The following KLRG1 variants were observed in gnomAD, a reference collection of about 807,000 sequenced individuals.
The protein encoded by KLRG1 is killer cell lectin-like receptor subfamily G member 1.
A neutral mutation model predicts 21.8 loss-of-function variants in KLRG1; 16 were observed. The observed-to-expected ratio is 0.73, with a 90% CI of 0.50 to 1.11. The LOEUF (loss-of-function observed/expected upper bound fraction) is 1.11, where lower values mean the gene tolerates loss of function less well. Among genes scored for constraint, KLRG1 ranks in the 50% most tolerant of loss-of-function variants. The pLI, the probability that KLRG1 is intolerant of heterozygous loss-of-function variation, is 0.00. For missense variants in KLRG1, 173 were observed against 218.3 expected (o/e 0.79, Z 1.31); for synonymous variants, 69 against 75.9 (o/e 0.91, Z 0.47).
chr12:9,101,450 A>G, the KLRG1 span: 1 of 1,611,240 alleles, frequency 6.2e-7, no homozygotes, highest in Non-Finnish European at 8.5e-7. Flanking sequence ...TTCTCACCAG[A>G]TAATAGAAGG....
At chr12:9,165,471 T>A in the KLRG1 span, 2 of 1,285,710 alleles carry the variant, frequency 1.6e-6, no homozygotes, top group Non-Finnish European at 2.2e-6. Context: ...TGAATCCACT[T>A]AAGGGTATAT....
At chr12:9,128,161 C>A in the KLRG1 span, 2 of 196,206 alleles carry the variant, frequency 1.0e-5, no homozygotes, top group East Asian at 1.3e-4. Context: ...ACGAGGAAAT[C>A]AGTGCTGCGG....
At chr12:8,969,103 TGTGGCTCCA>T (rs1946526131) in intron 1 of KLRG1, among the ~76,000 whole-genome samples, 1 of 152,168 alleles carries the variant, frequency 6.6e-6, no homozygotes, top group African/African-American at 2.4e-5. Context: ...GGGGCTAAGA[TGTGGCTCCA>T]GTGGTTGAGG....
the KLRG1 span, chr12:9,089,182 A>T: frequency 9.0e-6 from 14 of 1,551,422 alleles, no homozygotes; most frequent in African/African-American, 1.4e-4. Flanking sequence ...TTTTTAAATT[A>T]TGATGGTTGA....
the KLRG1 span, chr12:9,079,715 A>G: frequency 3.1e-6 from 5 of 1,613,648 alleles, no homozygotes; most frequent in Non-Finnish European, 4.2e-6. Flanking sequence ...AATCCAGTAC[A>G]TAGATGTTAG....
At position 9,010,108 on chromosome 12, in the gene KLRG1, C is replaced by T. The variant is rs887846937; in HGVS notation, c.*571C>T. 1.7e-6 allele frequency: 2 copies of T among 1,175,154 alleles called. No homozygotes were observed. The highest frequency in any genetic ancestry group is 5.1e-5 in the East Asian group (2 of 38,960). 72.8% of individuals were successfully genotyped at this position (1,175,154 alleles called of 1,614,324 possible). On this transcript the variant is annotated 3_prime_UTR_variant, in exon 5 of 5. Coordinates refer to ENST00000356986, the MANE Select transcript of KLRG1 (RefSeq NM_005810.4). ...AGCTGAGGTGGGAGGGTCGCTTGAG[C>T]CCAGGAGTTTGAGGCTGCAGTGAGC...
chr12:8,992,361 C>A, intron 2 of KLRG1, 51 bp downstream of exon 2: 1 of 1,286,398 alleles, frequency 7.8e-7, no homozygotes, highest in Non-Finnish European at 1.1e-6. Context: ...ATTATAAAAG[C>A]AATATAACAT....
At chr12:9,009,185 T>C in intron 4 of KLRG1, 110 bp downstream of exon 4, 1 of 866,080 alleles carries the variant, frequency 1.2e-6, no homozygotes, top group Non-Finnish European at 1.7e-6. Flanking sequence ...GAGGAAAGAA[T>C]GAAAAGGAGA....
chr12:9,065,557 C>T, the KLRG1 span, among the ~76,000 whole-genome samples: 3 of 152,298 alleles, frequency 2.0e-5, no homozygotes. Flanking sequence ...CACCAACAAG[C>T]GTGGGAGGGA....
chr12:9,194,205 G>C, the KLRG1 span: 6 of 1,613,832 alleles, frequency 3.7e-6, no homozygotes, highest in Non-Finnish European at 5.1e-6. Context: ...AGTTTATTGG[G>C]GATGGGCACA....
At chr12:9,094,991 G>T in the KLRG1 span, 1 of 1,567,358 alleles carries the variant, frequency 6.4e-7, no homozygotes, top group South Asian at 1.3e-5. Flanking sequence ...CCTACACGTA[G>T]ACCTTCAGGT....
the KLRG1 span, among the ~76,000 whole-genome samples, chr12:9,161,611 A>T: frequency 6.6e-6 from 1 of 152,002 alleles, no homozygotes; most frequent in Non-Finnish European, 1.5e-5. Context: ...ACTTATAACC[A>T]TGATAATACA....
At chr12:9,079,946 G>C in the KLRG1 span, 5 of 1,047,234 alleles carry the variant, frequency 4.8e-6, no homozygotes, top group Admixed American at 1.6e-4. Context: ...AGGGATAGAA[G>C]TATGATTGAA....
intron 1 of KLRG1, among the ~76,000 whole-genome samples, chr12:8,990,744 A>G (rs550246364): frequency 4.6e-5 from 7 of 152,172 alleles, no homozygotes; most frequent in Non-Finnish European, 1.0e-4. Flanking sequence ...GAGGCTTTCA[A>G]TATATACTTA....
the KLRG1 span, among the ~76,000 whole-genome samples, chr12:9,144,960 T>A: frequency 6.6e-6 from 1 of 152,238 alleles, no homozygotes; most frequent in African/African-American, 2.4e-5. Context: ...ATGCCAGTGC[T>A]TGTCCAAGAT....
the KLRG1 span, chr12:9,157,044 C>T: frequency 1.3e-6 from 1 of 750,968 alleles, no homozygotes; most frequent in South Asian, 2.6e-5. Flanking sequence ...GTTATTAGGT[C>T]CCCCATGCAT....
chr12:9,201,915 A>G, the KLRG1 span, among the ~76,000 whole-genome samples: 1 of 152,094 alleles, frequency 6.6e-6, no homozygotes, highest in African/African-American at 2.4e-5. Flanking sequence ...TCTATACTAT[A>G]TGTATCGAAT....
the KLRG1 span, among the ~76,000 whole-genome samples, chr12:9,022,985 C>T: frequency 6.6e-5 from 10 of 152,314 alleles, no homozygotes; most frequent in South Asian, 6.2e-4. Flanking sequence ...TCCATTTGGC[C>T]GTTCATCTGT....
intron 3 of KLRG1, among the ~76,000 whole-genome samples, chr12:9,001,737 T>A (rs1463872640): frequency 6.6e-6 from 1 of 152,158 alleles, no homozygotes; most frequent in Non-Finnish European, 1.5e-5. Context: ...ACCAACCCCA[T>A]CTCATGATGA....
Sources: allele counts gnomAD v4.1 joint callset (sites outside exome capture counted in the v4.1 genomes callset), GRCh38; gene constraint gnomAD v4.1.1; transcripts MANE v1.5; gene names NCBI Gene and HGNC (gene_info 2026-07-23, HGNC 2026-07-21).